PTPRZ1: variants seen among roughly 807,000 people sequenced by gnomAD.
PTPRZ1 encodes the protein receptor-type tyrosine-protein phosphatase zeta.
Under a neutral mutation model 214.1 loss-of-function variants are expected in PTPRZ1, and 82 were observed. That is an observed-to-expected ratio of 0.38 (90% CI 0.32 to 0.46). The LOEUF (loss-of-function observed/expected upper bound fraction) is 0.46. Ranked by LOEUF, PTPRZ1 falls within the 20% of genes least tolerant of loss-of-function variation. The pLI, the probability that PTPRZ1 is intolerant of heterozygous loss-of-function variation, is 1.00. For missense variants in PTPRZ1, 2,603 were observed against 2,748.7 expected (o/e 0.95, Z 1.19); for synonymous variants, 945 against 987.9 (o/e 0.96, Z 0.81).
chr7:122,024,137 T>C (rs1799135293), intron 13 of PTPRZ1, among the ~76,000 whole-genome samples: 1 of 151,908 alleles, frequency 6.6e-6, no homozygotes, highest in Non-Finnish European at 1.5e-5. Flanking sequence ...CATTAAATAA[T>C]ATGCCTTGAA....
chr7:121,975,407 T>C (rs899996166), intron 4 of PTPRZ1, among the ~76,000 whole-genome samples: 34 of 152,208 alleles, frequency 2.2e-4, no homozygotes, highest in African/African-American at 7.0e-4. Context: ...TTCACCTGGC[T>C]AAAAGCTGCT....
At position 122,012,732 on chromosome 7, in the gene PTPRZ1, C is replaced by A. The variant is rs1798714399; in HGVS notation, c.3686C>A (p.Ser1229Tyr). The part of the protein sequence containing the change: ...STMLHLIVSN[S>Y]ASSENMLHST... ...ATGTTGCATCTCATTGTATCAAATT[C>A]TGCTTCAAGTGAAAACATGCTGCAC... The change falls in exon 12 of 30, where the codon TCT becomes TAT. Residue 1229 changes from serine to tyrosine, a missense_variant. Physicochemically the swap from Ser to Tyr is moderately radical, Grantham distance 144. This residue lies in a region of PTPRZ1 where 1,913 missense variants were observed against 1,914.3 expected (regional missense o/e 1.00). Transcript: ENST00000393386. 1.9e-6 allele frequency: 3 copies of A among 1,609,934 alleles called. No individual in the cohort carries two copies. The highest frequency in any genetic ancestry group is 2.2e-5 in the South Asian group (2 of 90,988).
rs199595173 is a variant in PTPRZ1 at position 122,010,409 on chromosome 7, A to G, written c.1363A>G (p.Arg455Gly). The stretch of plus-strand genomic sequence containing the variant: ...TAGAGACAGTGCTACAAACCAAATC[A>G]GGAAAAAGGAACCCCAGATTTCTAC... ...PGRDSATNQI[R>G]KKEPQISTTT... Residue 455 changes from arginine (R) to glycine (G), a missense_variant, in exon 12 of 30, where the codon AGG becomes GGG. Physicochemically the swap from Arg to Gly is moderately radical, Grantham distance 125. Coordinates refer to ENST00000393386, the MANE Select transcript of PTPRZ1 (RefSeq NM_002851.3). The G allele has an allele frequency of 6.2e-7, 1 of 1,614,086 alleles. No individual in the cohort carries two copies. The highest frequency in any genetic ancestry group is 1.1e-5 in the South Asian group (1 of 91,078).
rs147869113 is a variant in PTPRZ1 at position 121,997,897 on chromosome 7, T to A, written c.1131T>A (p.Asn377Lys). Residue 377 changes from asparagine to lysine, a missense_variant, in exon 10 of 30, where the codon AAT becomes AAA. This residue lies in a region of PTPRZ1 where 244 missense variants were observed against 333.2 expected (regional missense o/e 0.73). Coordinates refer to ENST00000393386, the MANE Select transcript of PTPRZ1 (RefSeq NM_002851.3). ...GYQDLGAILN[N>K]LLPNMSYVLQ... ...TCTTTTAGGGTGCTATTCTCAATAA[T>A]TTGCTACCCAATATGAGTTATGTTC... 1.7e-5 allele frequency: 27 copies of A among 1,608,036 alleles called. No individual in the cohort carries two copies. The African/African-American group carries it at 3.5e-4, about 21-fold the overall frequency.
intron 8 of PTPRZ1, among the ~76,000 whole-genome samples, chr7:121,991,472 T>A (rs971930480): frequency 6.6e-6 from 1 of 151,766 alleles, no homozygotes; most frequent in Non-Finnish European, 1.5e-5. Flanking sequence ...ATAAAGGGAG[T>A]GTCTTTGTAG....
intron 4 of PTPRZ1, among the ~76,000 whole-genome samples, chr7:121,974,506 G>C (rs1797368943): frequency 6.6e-6 from 1 of 152,078 alleles, no homozygotes; most frequent in South Asian, 2.1e-4. Context: ...TTGTTGCTTT[G>C]AGACAGAGTC....
chr7:122,014,010 A>G (rs1391746727), intron 12 of PTPRZ1, 121 bp downstream of exon 12: 5 of 777,620 alleles, frequency 6.4e-6, no homozygotes, highest in Non-Finnish European at 7.9e-6. Flanking sequence ...TTAAAATCAA[A>G]ACATTCAACA....
intron 21 of PTPRZ1, among the ~76,000 whole-genome samples, chr7:122,041,431 A>C (rs1799730497): frequency 6.7e-6 from 1 of 149,146 alleles, no homozygotes; most frequent in Non-Finnish European, 1.5e-5. Context: ...TTGGCAAAAT[A>C]TATTTAAGTT....
At chr7:121,889,117 T>C (rs1794498117) in intron 1 of PTPRZ1, among the ~76,000 whole-genome samples, 1 of 122,832 alleles carries the variant, frequency 8.1e-6, no homozygotes, top group African/African-American at 3.4e-5. Context: ...AAAGGCTTTA[T>C]TTTTTAAAAA....
intron 14 of PTPRZ1, among the ~76,000 whole-genome samples, chr7:122,030,603 T>TA (rs1463081765): frequency 3.3e-5 from 5 of 152,142 alleles, no homozygotes; most frequent in East Asian, 1.9e-4. Flanking sequence ...AGTTTTTTTT[T>TA]ATCAGCAAAT....
At chr7:121,995,608 A>C (rs1219581897) in intron 8 of PTPRZ1, among the ~76,000 whole-genome samples, 1 of 152,192 alleles carries the variant, frequency 6.6e-6, no homozygotes, top group Non-Finnish European at 1.5e-5. Context: ...TCATAATACT[A>C]CTTTTTCAGA....
At chr7:121,999,943 C>T (rs189339954) in intron 10 of PTPRZ1, among the ~76,000 whole-genome samples, 59 of 152,118 alleles carry the variant, frequency 3.9e-4, no homozygotes, top group Admixed American at 1.2e-3. Context: ...CACTATTGAA[C>T]GTTGTAATAA....
intron 1 of PTPRZ1, among the ~76,000 whole-genome samples, chr7:121,900,236 C>T (rs1048360863): frequency 3.3e-5 from 5 of 152,210 alleles, no homozygotes; most frequent in African/African-American, 1.2e-4. Flanking sequence ...AGGTCATAAA[C>T]GTGAACAAGG....
intron 1 of PTPRZ1, among the ~76,000 whole-genome samples, chr7:121,875,200 T>C (rs1006822459): frequency 1.3e-5 from 2 of 152,130 alleles, no homozygotes; most frequent in Non-Finnish European, 2.9e-5. Context: ...TTAGCAGCCA[T>C]TCCCCATTCT....
chr7:121,931,056 G>A (rs1302338538), intron 2 of PTPRZ1, among the ~76,000 whole-genome samples: 4 of 152,082 alleles, frequency 2.6e-5, no homozygotes, highest in South Asian at 2.1e-4. Flanking sequence ...TTGTGGTTTC[G>A]GAATGCTACT....
intron 1 of PTPRZ1, among the ~76,000 whole-genome samples, chr7:121,911,666 T>G (rs1795280901): frequency 6.6e-6 from 1 of 152,064 alleles, no homozygotes; most frequent in Non-Finnish European, 1.5e-5. Flanking sequence ...AGCCTCTTCC[T>G]TTTCTGAAAC....
intron 2 of PTPRZ1, among the ~76,000 whole-genome samples, chr7:121,940,077 A>T (rs1476214212): frequency 6.6e-6 from 1 of 152,184 alleles, no homozygotes; most frequent in Non-Finnish European, 1.5e-5. Context: ...GAAAATTAGG[A>T]ATGTGATGAG....
At chr7:121,924,136 C>T (rs1334971489) in intron 1 of PTPRZ1, among the ~76,000 whole-genome samples, 2 of 151,910 alleles carry the variant, frequency 1.3e-5, no homozygotes, top group East Asian at 1.9e-4. Flanking sequence ...ACACCATAAC[C>T]GCCTTGTCAA....
intron 14 of PTPRZ1, among the ~76,000 whole-genome samples, chr7:122,030,468 A>T (rs1147498): frequency 1.3e-5 from 2 of 151,846 alleles, no homozygotes; most frequent in Non-Finnish European, 2.9e-5. Flanking sequence ...AAAGCTTCTA[A>T]GCAAGATCCT....
Sources: gnomAD v4.1 joint callset for allele counts (sites outside exome capture counted in the v4.1 genomes callset) on GRCh38, gnomAD v4.1.1 for gene constraint, gnomAD v4.1.1 regional missense constraint, MANE v1.5 for transcripts, NCBI Gene and HGNC (gene_info 2026-07-23, HGNC 2026-07-21) for gene names.